TTC27: variants seen among roughly 807,000 people sequenced by gnomAD.
TTC27 encodes tetratricopeptide repeat protein 27.
A neutral mutation model predicts 115.9 loss-of-function variants in TTC27; 79 were observed. The observed-to-expected ratio is 0.68, with a 90% confidence interval of 0.57 to 0.82. The LOEUF (loss-of-function observed/expected upper bound fraction) is 0.82. TTC27 is among the 40% of genes least tolerant of loss of function. TTC27 has a pLI of 0.00. For synonymous variants in TTC27, 401 were observed against 356.0 expected (o/e 1.13, Z -1.42); for missense variants, 1,054 against 993.1 (o/e 1.06, Z -0.82).
intron 3 of TTC27, among the ~76,000 whole-genome samples, chr2:32,634,691 C>G (rs993280122): frequency 2.0e-5 from 3 of 151,930 alleles, no homozygotes; most frequent in African/African-American, 4.8e-5. Flanking sequence ...GAGTCTTGCT[C>G]TGTCACCCAG....
chr2:32,646,067 C>T (rs1345003403), intron 4 of TTC27, among the ~76,000 whole-genome samples: 13 of 149,898 alleles, frequency 8.7e-5, no homozygotes, highest in Admixed American at 3.4e-4. Flanking sequence ...CTCGCTCTGT[C>T]GCCCAGGCTG....
chr2:32,751,596 C>G (rs1488388542), intron 12 of TTC27, among the ~76,000 whole-genome samples: 2 of 152,072 alleles, frequency 1.3e-5, no homozygotes, highest in African/African-American at 2.4e-5. Flanking sequence ...TTTCATTAAC[C>G]CAACCACTCA....
intron 12 of TTC27, among the ~76,000 whole-genome samples, chr2:32,757,939 C>A (rs970269523): frequency 3.9e-5 from 6 of 152,142 alleles, no homozygotes; most frequent in Non-Finnish European, 7.3e-5. Context: ...TGACCTCAGG[C>A]AATCCACCCA....
At chr2:32,753,429 CTTTTTTTTTTTT>C (rs776515945) in intron 12 of TTC27, among the ~76,000 whole-genome samples, 3 of 72,850 alleles carry the variant, frequency 4.1e-5, no homozygotes, top group African/African-American at 5.6e-5. Flanking sequence ...AATCAAATGC[CTTTTTTTTTTTT>C]TTTTTTTTTT....
intron 13 of TTC27, among the ~76,000 whole-genome samples, chr2:32,777,578 A>G (rs1670039115): frequency 6.6e-6 from 1 of 152,192 alleles, no homozygotes; most frequent in Non-Finnish European, 1.5e-5. Context: ...TTCACTCTGC[A>G]GCTGATTGAA....
chr2:32,739,540 T>C (rs1447030440), intron 12 of TTC27, among the ~76,000 whole-genome samples: 1 of 152,136 alleles, frequency 6.6e-6, no homozygotes, highest in Non-Finnish European at 1.5e-5. Flanking sequence ...AATGCTTCTG[T>C]TTCTAAATCC....
intron 5 of TTC27, among the ~76,000 whole-genome samples, chr2:32,660,285 C>A (rs898653958): frequency 2.6e-5 from 4 of 152,070 alleles, no homozygotes; most frequent in African/African-American, 9.7e-5. Context: ...AGCTTTTTTT[C>A]ATATGTTTAT....
chr2:32,642,301 G>A (rs1572467521), intron 4 of TTC27, among the ~76,000 whole-genome samples: 1 of 128,716 alleles, frequency 7.8e-6, no homozygotes. Context: ...ACACAGACTG[G>A]AGTATAGTAG....
chr2:32,800,244 A>G (rs776039261), intron 16 of TTC27, among the ~76,000 whole-genome samples: 16 of 151,544 alleles, frequency 1.1e-4, no homozygotes, highest in Non-Finnish European at 2.1e-4. Flanking sequence ...CTGGAGTGCA[A>G]TGGCATGATC....
chr2:32,748,811 C>T (rs1668914654), intron 12 of TTC27, among the ~76,000 whole-genome samples: 1 of 151,852 alleles, frequency 6.6e-6, no homozygotes, highest in African/African-American at 2.4e-5. Flanking sequence ...CCTCAGCATC[C>T]TGGGTAGCTG....
chr2:32,784,835 G>T (rs1418587676), intron 15 of TTC27, among the ~76,000 whole-genome samples: 1 of 152,294 alleles, frequency 6.6e-6, no homozygotes, highest in African/African-American at 2.4e-5. Flanking sequence ...GAGCTGGGGA[G>T]TCTTGGTCCA....
At chr2:32,715,039 T>C (rs964604167) in intron 10 of TTC27, among the ~76,000 whole-genome samples, 4 of 152,200 alleles carry the variant, frequency 2.6e-5, no homozygotes, top group Admixed American at 2.6e-4. Flanking sequence ...CTCTTTACTC[T>C]GTTGATTGTT....
At chr2:32,689,392 T>A (rs571736787) in intron 9 of TTC27, among the ~76,000 whole-genome samples, 225 of 152,242 alleles carry the variant, frequency 1.5e-3, no homozygotes, top group African/African-American at 4.6e-3. Context: ...CAATATAGAC[T>A]TGGGTTTCAA....
At chr2:32,787,835 A>C (rs1389295640) in intron 16 of TTC27, among the ~76,000 whole-genome samples, 1 of 152,158 alleles carries the variant, frequency 6.6e-6, no homozygotes, top group East Asian at 1.9e-4. Flanking sequence ...TAAATAAACA[A>C]AACTGAATGG....
chr2:32,819,735 G>C (rs1671618010), intron 19 of TTC27, among the ~76,000 whole-genome samples: 1 of 152,160 alleles, frequency 6.6e-6, no homozygotes, highest in African/African-American at 2.4e-5. Flanking sequence ...CAGGTTTGCT[G>C]CCAAGAGTGG....
At chr2:32,697,114 C>A (rs971062290) in intron 9 of TTC27, among the ~76,000 whole-genome samples, 3 of 151,746 alleles carry the variant, frequency 2.0e-5, no homozygotes, top group Non-Finnish European at 4.4e-5. Flanking sequence ...ATCACTTGAG[C>A]CTGGGAGGTG....
intron 17 of TTC27, 74 bp downstream of exon 17, chr2:32,811,295 T>C: frequency 5.1e-6 from 7 of 1,373,930 alleles, no homozygotes; most frequent in Non-Finnish European, 7.1e-6. Context: ...TTTTGATGGG[T>C]GGAGGAAGAG....
intron 10 of TTC27, among the ~76,000 whole-genome samples, chr2:32,703,539 A>G (rs898423096): frequency 6.6e-6 from 1 of 152,226 alleles, no homozygotes; most frequent in African/African-American, 2.4e-5. Flanking sequence ...AGAATTAATA[A>G]ATAAAGATAT....
At position 32,723,694 on chromosome 2, in the gene TTC27, T is replaced by TCCTTCCTC. The variant is rs1426698541; in HGVS notation, c.1234-10131_1234-10130insTCCTCCCT. 2.1e-3 allele frequency among the ~76,000 whole-genome samples: 122 copies of TCCTTCCTC among 57,918 alleles called. 19 individuals carry two copies. The highest frequency in any genetic ancestry group is 0.01 in the Middle Eastern group (1 of 98). The allele number at this position is 57,918 out of a possible 152,430, so 38.0% of individuals were successfully genotyped here. ...CTAATTATTGTTAGACTCAGCTCCT[T>TCCTTCCTC]CCTCCCTCCCTCCCTCCCTCCCTCC... On this transcript the variant is annotated intron_variant, in intron 10 of 19. Transcript: ENST00000317907.
Sources: gnomAD v4.1 joint callset for allele counts (sites outside exome capture counted in the v4.1 genomes callset) on GRCh38, gnomAD v4.1.1 for gene constraint, MANE v1.5 for transcripts, NCBI Gene and HGNC (gene_info 2026-07-23, HGNC 2026-07-21) for gene names.